Variants in WWOX observed in about 807,000 individuals in gnomAD.
WWOX encodes WW domain containing oxidoreductase.
Under a neutral mutation model 46.2 loss-of-function variants are expected in WWOX, and 69 were observed. The ratio of observed to expected loss-of-function variants is 1.49; its 90% CI spans 1.23 to 1.82. The LOEUF is 1.82. Among genes scored for constraint, WWOX ranks in the 40% most tolerant of loss-of-function variants. The probability of loss-of-function intolerance (pLI) is 0.00; values close to 1 mark genes in which losing one functional copy is unlikely to be tolerated. For synonymous variants in WWOX, 359 were observed against 202.6 expected (o/e 1.77, Z -6.56); for missense variants, 919 against 542.6 (o/e 1.69, Z -6.89).
chr16:79,000,023 ATCT>A (rs1047869746), intron 8 of WWOX, among the ~76,000 whole-genome samples: 20 of 152,160 alleles, frequency 1.3e-4, no homozygotes, highest in Admixed American at 3.9e-4. Context: ...AAAACGCAGT[ATCT>A]TCTTCCCCAG....
intron 8 of WWOX, among the ~76,000 whole-genome samples, chr16:78,877,512 A>G (rs1354504841): frequency 6.6e-6 from 1 of 152,126 alleles, no homozygotes; most frequent in Non-Finnish European, 1.5e-5. Flanking sequence ...CACTCACTAT[A>G]AAATGGCAGC....
chr16:78,562,347 G>A (rs772102814), intron 8 of WWOX, among the ~76,000 whole-genome samples: 1 of 152,326 alleles, frequency 6.6e-6, no homozygotes, highest in Admixed American at 6.5e-5. Flanking sequence ...GAATTCCGCA[G>A]TGTTGTGTGT....
At chr16:78,334,923 T>A (rs75723377) in intron 5 of WWOX, among the ~76,000 whole-genome samples, 25,249 of 138,046 alleles carry the variant, frequency 0.18, 2,801 homozygotes, top group East Asian at 0.45. Context: ...CCATCTTTTT[T>A]TAAAAAAAAA....
At chr16:78,787,968 C>G (rs2050497548) in intron 8 of WWOX, among the ~76,000 whole-genome samples, 1 of 152,062 alleles carries the variant, frequency 6.6e-6, no homozygotes. Context: ...GATTCAAGTC[C>G]TTTGCCCAGT....
chr16:78,360,612 G>A (rs1392247542), intron 5 of WWOX, among the ~76,000 whole-genome samples: 11 of 78,456 alleles, frequency 1.4e-4, no homozygotes, highest in African/African-American at 2.1e-4. Flanking sequence ...TGCAGAAATA[G>A]CAATATTTCA....
At chr16:79,086,225 T>G (rs2048851739) in intron 8 of WWOX, among the ~76,000 whole-genome samples, 1 of 152,228 alleles carries the variant, frequency 6.6e-6, no homozygotes, top group Non-Finnish European at 1.5e-5. Flanking sequence ...CAATAAATGT[T>G]AATTGAGCAT....
intron 8 of WWOX, among the ~76,000 whole-genome samples, chr16:79,200,017 G>A (rs947169075): frequency 6.6e-6 from 1 of 152,182 alleles, no homozygotes; most frequent in African/African-American, 2.4e-5. Context: ...AGACTGCCCC[G>A]GTGGTTGCTG....
chr16:79,112,048 C>T (rs946796553), intron 8 of WWOX, among the ~76,000 whole-genome samples: 29 of 152,274 alleles, frequency 1.9e-4, no homozygotes, highest in Non-Finnish European at 3.1e-4. Context: ...ACCTCAATGT[C>T]CAGACTTGCC....
chr16:79,091,109 T>C (rs983049038), intron 8 of WWOX, among the ~76,000 whole-genome samples: 7 of 152,156 alleles, frequency 4.6e-5, no homozygotes, highest in African/African-American at 1.7e-4. Context: ...GATTTTACCC[T>C]GATTGAGCGA....
intron 8 of WWOX, among the ~76,000 whole-genome samples, chr16:79,034,851 A>C (rs1301473294): frequency 6.6e-6 from 1 of 152,202 alleles, no homozygotes; most frequent in Non-Finnish European, 1.5e-5. Context: ...TATTAGGCTA[A>C]GTATGGTCTT....
intron 1 of WWOX, among the ~76,000 whole-genome samples, chr16:78,107,215 T>C (rs538988146): frequency 6.6e-6 from 1 of 152,326 alleles, no homozygotes; most frequent in African/African-American, 2.4e-5. Context: ...GAATACCTCT[T>C]GTAGCACCTG....
intron 8 of WWOX, among the ~76,000 whole-genome samples, chr16:78,461,039 G>A (rs933190403): frequency 4.6e-5 from 7 of 152,234 alleles, no homozygotes; most frequent in Non-Finnish European, 1.0e-4. Flanking sequence ...CTGACACAGT[G>A]TTGGTGGTTG....
At chr16:78,529,520 G>A (rs1232009875) in intron 8 of WWOX, among the ~76,000 whole-genome samples, 2 of 151,992 alleles carry the variant, frequency 1.3e-5, no homozygotes, top group Admixed American at 1.3e-4. Flanking sequence ...GGGCTGGAAT[G>A]CAATGGCAAG....
At chr16:79,015,386 T>A (rs1279308436) in intron 8 of WWOX, among the ~76,000 whole-genome samples, 1 of 152,228 alleles carries the variant, frequency 6.6e-6, no homozygotes, top group East Asian at 1.9e-4. Context: ...TTGAACTCAC[T>A]TTTCCTTTGT....
intron 8 of WWOX, among the ~76,000 whole-genome samples, chr16:78,619,152 T>A (rs371744074): frequency 0.54 from 946 of 1,762 alleles, 275 homozygotes; most frequent in Non-Finnish European, 0.61. Context: ...AATATATATA[T>A]ATATATATAT....
At chr16:78,181,142 A>G (rs1171598931) in intron 5 of WWOX, among the ~76,000 whole-genome samples, 7 of 152,272 alleles carry the variant, frequency 4.6e-5, no homozygotes, top group African/African-American at 1.7e-4. Flanking sequence ...AGAAAGAGAG[A>G]CACGCAGACA....
At chr16:78,643,685 C>G (rs945991680) in intron 8 of WWOX, among the ~76,000 whole-genome samples, 2 of 152,100 alleles carry the variant, frequency 1.3e-5, no homozygotes, top group Non-Finnish European at 2.9e-5. Context: ...AAATGATTGT[C>G]TCACTATGAT....
chr16:78,135,039 C>T lies in WWOX; in HGVS notation c.409+19885C>T, dbSNP rs79098306. 1.1e-4 allele frequency among the ~76,000 whole-genome samples: 16 copies of T among 152,268 alleles called. No homozygotes were observed. In the East Asian group the frequency reaches 3.1e-3, roughly 29 times the overall value. ...GTGTCACCTGCGCATTGAAAAATCC[C>T]AGTGCCATAACAATGCAGTCCCTGC... On this transcript the variant is annotated intron_variant, in intron 4 of 8. Transcript: ENST00000566780.
intron 8 of WWOX, among the ~76,000 whole-genome samples, chr16:78,893,215 C>G (rs550507911): frequency 6.6e-6 from 1 of 151,916 alleles, no homozygotes; most frequent in Admixed American, 6.6e-5. Flanking sequence ...AGTGGGGATG[C>G]CCCTCTTGAC....
Sources: allele counts gnomAD v4.1 joint callset (sites outside exome capture counted in the v4.1 genomes callset), GRCh38; gene constraint gnomAD v4.1.1; transcripts MANE v1.5; gene names NCBI Gene and HGNC (gene_info 2026-07-23, HGNC 2026-07-21).